SPIDR: variants seen among roughly 807,000 people sequenced by gnomAD.
SPIDR encodes DNA repair-scaffolding protein.
In SPIDR, 93 loss-of-function variants were observed where a neutral mutation model predicts 104.6. The observed-to-expected ratio is 0.89, with a 90% confidence interval of 0.75 to 1.06. The LOEUF is 1.06. Ranked by LOEUF, SPIDR falls within the 50% of genes least tolerant of loss-of-function variation. The pLI, the probability that SPIDR is intolerant of heterozygous loss-of-function variation, is 0.00. For missense variants in SPIDR, 1,154 were observed against 1,111.2 expected (o/e 1.04, Z -0.55); for synonymous variants, 431 against 416.9 (o/e 1.03, Z -0.41).
At chr8:47,667,553 C>G (rs1235438137) in intron 10 of SPIDR, among the ~76,000 whole-genome samples, 1 of 148,548 alleles carries the variant, frequency 6.7e-6, no homozygotes, top group African/African-American at 2.5e-5. Flanking sequence ...AACTAATGAT[C>G]TAAGCCTCCA....
At chr8:47,360,990 CATG>C in intron 5 of SPIDR, 1 of 982,896 alleles carries the variant, frequency 1.0e-6, no homozygotes, top group Non-Finnish European at 1.2e-6. Flanking sequence ...AAAAAATGCT[CATG>C]ATTTTTTAAT....
intron 5 of SPIDR, among the ~76,000 whole-genome samples, chr8:47,380,780 C>T (rs1484602882): frequency 6.6e-6 from 1 of 152,098 alleles, no homozygotes; most frequent in South Asian, 2.1e-4. Flanking sequence ...CTGTTTACCT[C>T]AGAAAATATT....
intron 5 of SPIDR, among the ~76,000 whole-genome samples, chr8:47,304,181 G>A (rs2042732086): frequency 6.6e-6 from 1 of 152,098 alleles, no homozygotes; most frequent in East Asian, 1.9e-4. Context: ...TATTAAAATA[G>A]GGGACTAATA....
chr8:47,283,992 G>T, intron 2 of SPIDR, 36 bp from the exon 3 acceptor site: 2 of 1,493,068 alleles, frequency 1.3e-6, no homozygotes, highest in Admixed American at 1.9e-5. Context: ...TTTAGCATTT[G>T]TCACATAAAT....
intron 8 of SPIDR, among the ~76,000 whole-genome samples, chr8:47,507,419 C>T (rs775475633): frequency 3.9e-5 from 6 of 152,218 alleles, no homozygotes; most frequent in Non-Finnish European, 8.8e-5. Context: ...CTGTCAGGGC[C>T]TTCTGTGAAG....
rs2082173857 is a variant in SPIDR, at chr8:47,713,634, T to G, written c.2334T>G (p.Ser778Arg). The change falls in exon 16 of 20, where the codon AGT (serine) becomes AGG (arginine). Residue 778 changes from serine to arginine, a missense_variant. Transcript: ENST00000297423. ...CAACACCTGTCAACTCCATCTGCAG[T>G]GTTCAAGGTAGGCAGCCATCTCACA... is the stretch of plus-strand genomic sequence containing the variant. ...DSATPVNSIC[S>R]VQGTVVGVDE... 1.9e-6 allele frequency: 3 copies of G among 1,614,088 alleles called. No individual in the cohort carries two copies. In the African/African-American group the frequency reaches 4.0e-5, roughly 22 times the overall value.
intron 10 of SPIDR, among the ~76,000 whole-genome samples, chr8:47,648,537 A>G (rs938370025): frequency 1.3e-5 from 2 of 152,208 alleles, no homozygotes; most frequent in Non-Finnish European, 2.9e-5. Context: ...GTGTGCACAC[A>G]CTTCCCAGCT....
intron 5 of SPIDR, among the ~76,000 whole-genome samples, chr8:47,376,739 A>C (rs141372075): frequency 6.6e-6 from 1 of 152,226 alleles, no homozygotes; most frequent in Non-Finnish European, 1.5e-5. Flanking sequence ...TTTGTAGCAT[A>C]TCAAGGTACA....
intron 10 of SPIDR, among the ~76,000 whole-genome samples, chr8:47,635,421 C>T (rs952795307): frequency 6.6e-6 from 1 of 152,128 alleles, no homozygotes; most frequent in African/African-American, 2.4e-5. Context: ...AGGGATACCC[C>T]ATCTACCCTG....
chr8:47,566,240 A>G (rs1197256464), intron 8 of SPIDR, among the ~76,000 whole-genome samples: 1 of 151,624 alleles, frequency 6.6e-6, no homozygotes, highest in Non-Finnish European at 1.5e-5. Flanking sequence ...TCCCGACCTC[A>G]GGTGATCTGC....
intron 10 of SPIDR, among the ~76,000 whole-genome samples, chr8:47,623,229 G>T (rs937209200): frequency 6.6e-6 from 1 of 152,146 alleles, no homozygotes; most frequent in South Asian, 2.1e-4. Flanking sequence ...AAGAGTTCCT[G>T]AAGGAAGCAC....
intron 10 of SPIDR, chr8:47,659,755 C>CT (rs1274031196): frequency 4.1e-6 from 4 of 982,806 alleles, no homozygotes; most frequent in Non-Finnish European, 4.8e-6. Flanking sequence ...ACTTCATCCT[C>CT]TGATTTCTTG....
chr8:47,692,194 T>G (rs1255886825), intron 11 of SPIDR, among the ~76,000 whole-genome samples: 1 of 152,182 alleles, frequency 6.6e-6, no homozygotes, highest in African/African-American at 2.4e-5. Flanking sequence ...ATACTAAAAA[T>G]TTACCCTTTT....
intron 5 of SPIDR, among the ~76,000 whole-genome samples, chr8:47,373,381 G>A (rs1276855486): frequency 6.6e-6 from 1 of 152,170 alleles, no homozygotes; most frequent in Admixed American, 6.5e-5. Flanking sequence ...CATATGGTTG[G>A]TACACATTAG....
chr8:47,682,910 A>G (rs1255985460), intron 11 of SPIDR, among the ~76,000 whole-genome samples: 1 of 152,218 alleles, frequency 6.6e-6, no homozygotes, highest in Non-Finnish European at 1.5e-5. Flanking sequence ...CTGATTTTAT[A>G]TCTACTGTAT....
chr8:47,607,574 A>C (rs1287976704), intron 10 of SPIDR, among the ~76,000 whole-genome samples: 1 of 151,662 alleles, frequency 6.6e-6, no homozygotes, highest in Non-Finnish European at 1.5e-5. Flanking sequence ...AAGCTTACTA[A>C]ATTTCTTTTG....
At chr8:47,607,726 C>T (rs1191848685) in intron 10 of SPIDR, among the ~76,000 whole-genome samples, 1 of 151,940 alleles carries the variant, frequency 6.6e-6, no homozygotes, top group Non-Finnish European at 1.5e-5. Context: ...AGTCTTACTA[C>T]TGCTTATTTT....
intron 5 of SPIDR, among the ~76,000 whole-genome samples, chr8:47,312,458 C>T (rs1324341198): frequency 6.6e-6 from 1 of 152,176 alleles, no homozygotes; most frequent in Admixed American, 6.5e-5. Context: ...ATTTGCATTT[C>T]TCTGATGGCC....
chr8:47,425,527 C>G (rs936471911), intron 7 of SPIDR, among the ~76,000 whole-genome samples: 1 of 152,160 alleles, frequency 6.6e-6, no homozygotes, highest in Non-Finnish European at 1.5e-5. Flanking sequence ...TGTCTAGTTT[C>G]TCAGCCAGAA....
Sources: gnomAD v4.1 joint callset for allele counts (sites outside exome capture counted in the v4.1 genomes callset) on GRCh38, gnomAD v4.1.1 for gene constraint, MANE v1.5 for transcripts, NCBI Gene and HGNC (gene_info 2026-07-23, HGNC 2026-07-21) for gene names.